The following HYAL2 variants were observed in gnomAD, a reference collection of about 807,000 sequenced individuals.
HYAL2 encodes the protein hyaluronidase-2.
A neutral mutation model predicts 35.4 loss-of-function variants in HYAL2; 30 were observed. The observed-to-expected ratio is 0.85, with a 90% CI of 0.63 to 1.15. The LOEUF is 1.15. Among genes scored for constraint, HYAL2 ranks in the 50% most tolerant of loss-of-function variants. The pLI, the probability that HYAL2 is intolerant of heterozygous loss-of-function variation, is 0.00. For synonymous variants in HYAL2, 262 were observed against 252.8 expected (o/e 1.04, Z -0.34); for missense variants, 635 against 646.5 (o/e 0.98, Z 0.19).
At position 50,317,846 on chromosome 3, in the gene HYAL2, A is replaced by AAAT. The variant is rs1220891061; in HGVS notation, c.*280_*282dup. The stretch of plus-strand genomic sequence containing the variant: ...TGTTTAATTTACAAAAGAGACCCCA[A>AAAT]AATAATAATAATAATAAACTATCTA... On this transcript the variant is annotated 3_prime_UTR_variant, in exon 4 of 4. Coordinates refer to ENST00000357750, the MANE Select transcript of HYAL2 (RefSeq NM_003773.5). 3.8e-5 allele frequency: 13 copies of AAAT among 344,606 alleles called. No individual in the cohort carries two copies. Among genetic ancestry groups the AAAT allele is most frequent in the Middle Eastern group, 7.5e-4 (1 of 1,330 alleles). The allele number at this position is 344,606 out of a possible 1,614,324, so 21.3% of individuals were successfully genotyped here. A position where few individuals can be genotyped will look rare whatever the true frequency, so the allele number is the denominator to read the frequency against.
In HYAL2 at chr3:50,318,818, T is replaced by G; in HGVS notation, c.1011+138A>C. ...GAGCAGGGCCGGGGTGACCTCCTCCTGTTGCCACCAGGGATGCCTCGGGTG... is the reference window on the plus strand; with the variant it reads ...GAGCAGGGCCGGGGTGACCTCCTCCGGTTGCCACCAGGGATGCCTCGGGTG... On this transcript the variant is annotated intron_variant, in intron 3 of 3. Transcript: ENST00000357750. The surrounding 1 kb of genome is among the most constrained non-coding windows in gnomAD (Gnocchi z 4.5). The G allele has an allele frequency of 1.3e-6, 1 of 794,510 alleles. No individual in the cohort carries two copies. The highest frequency in any genetic ancestry group is 2.1e-6 in the Non-Finnish European group (1 of 467,816). 49.2% of individuals were successfully genotyped at this position (794,510 alleles called of 1,614,324 possible).
Position 50,320,005 on chromosome 3 carries a change from C to T in HYAL2, c.485G>A (p.Arg162His), listed in dbSNP as rs1702649984. The T allele has an allele frequency of 2.5e-6, 4 of 1,613,322 alleles. No individual in the cohort carries two copies. The highest frequency in any genetic ancestry group is 1.1e-5 in the South Asian group (1 of 91,088). The change falls in exon 2 of 4, where the codon CGT becomes CAT. Residue 162 changes from arginine (R) to histidine (H), a missense_variant. By Grantham distance (29) the Arg-to-His change is conservative. Coordinates refer to ENST00000357750, the MANE Select transcript of HYAL2 (RefSeq NM_003773.5). This position sits in a 1 kb window ranked among gnomAD's most constrained non-coding sequence, Gnocchi z 4.8. The part of the protein sequence containing the change: ...RRLSRQLVAS[R>H]HPDWPPDRIV... ...GCGGTCTGGAGGCCAGTCAGGGTGA[C>T]GACTGGCCACTAGCTGGCGTGATAA... is the stretch of plus-strand genomic sequence containing the variant.
Position 50,320,364 on chromosome 3 carries a change from C to T in HYAL2, c.126G>A (p.Val42=). The T allele has an allele frequency of 6.2e-7, 1 of 1,613,304 alleles. No individual in the cohort carries two copies. The highest frequency in any genetic ancestry group is 8.5e-7 in the Non-Finnish European group (1 of 1,179,726). Reference sequence around the variant, plus strand: ...GGCGTGGGCCACAGTCCTGTGTGGGCACGTCCCACGCTACCACAAAGGGCC... The same window carrying T: ...GGCGTGGGCCACAGTCCTGTGTGGGTACGTCCCACGCTACCACAAAGGGCC... ...TGRPFVVAWD[V]PTQDCGPRLK... is the part of the protein sequence containing the mutation. The change falls in exon 2 of 4, where the codon GTG becomes GTA. Residue 42 remains valine, a synonymous_variant. Transcript: ENST00000357750. This position sits in a 1 kb window ranked among gnomAD's most constrained non-coding sequence, Gnocchi z 4.8.
intron 1 of HYAL2, chr3:50,321,064 G>A (rs1037512112): frequency 2.0e-5 from 3 of 152,390 alleles, no homozygotes; most frequent in African/African-American, 7.2e-5. Flanking sequence ...ACACTCTCCC[G>A]GCTTGGAGGA....
intron 1 of HYAL2, chr3:50,321,269 G>C (rs587602923): frequency 1.1e-4 from 16 of 152,334 alleles, no homozygotes; most frequent in African/African-American, 3.9e-4. Flanking sequence ...GTCGGGTGGG[G>C]GTGGGGTTTC....
At position 50,322,358 on chromosome 3, in the gene HYAL2, G is replaced by C. The variant is rs1487570487; in HGVS notation, c.-47+295C>G. 1 of 152,124 alleles carries C rather than the reference G, an allele frequency of 6.6e-6. No homozygotes were observed. The highest frequency in any genetic ancestry group is 1.5e-5 in the Non-Finnish European group (1 of 68,092). The allele number at this position is 152,124 out of a possible 1,614,324, so 9.4% of individuals were successfully genotyped here. A position where few individuals can be genotyped will look rare whatever the true frequency, so the allele number is the denominator to read the frequency against. ...GCCTCCATTCCTTGCAGCAGTTTCT[G>C]GCTGGACCTCCGAGAAAGCCAGCAA... is the stretch of plus-strand genomic sequence containing the variant. On this transcript the variant is annotated intron_variant, in intron 1 of 3. Transcript: ENST00000357750. This position sits in a 1 kb window ranked among gnomAD's most constrained non-coding sequence, Gnocchi z 5.5.
Position 50,320,264 on chromosome 3 carries a change from T to C in HYAL2, c.226A>G (p.Thr76Ala), listed in dbSNP as rs1482981673. 6.2e-7 allele frequency: 1 copy of C among 1,613,872 alleles called. No individual in the cohort carries two copies. The highest frequency in any genetic ancestry group is 8.5e-7 in the Non-Finnish European group (1 of 1,180,014). The change falls in exon 2 of 4, where the codon ACC (threonine) becomes GCC (alanine). Residue 76 changes from threonine (T) to alanine (A), a missense_variant. Physicochemically the swap from Thr to Ala is moderately conservative, Grantham distance 58. Coordinates refer to ENST00000357750, the MANE Select transcript of HYAL2 (RefSeq NM_003773.5). This position sits in a 1 kb window ranked among gnomAD's most constrained non-coding sequence, Gnocchi z 4.8. The part of the protein sequence containing the change: ...PNEGFVNQNI[T>A]IFYRDRLGLY... ...CCTAGACGGTCGCGGTAGAAGATGG[T>C]AATATTCTGGTTCACAAAACCCTCA...
rs1553716023 is a variant in HYAL2, at chr3:50,319,001, T to G, written c.966A>C (p.Ala322=). The change falls in exon 3 of 4, where the codon GCA becomes GCC. Residue 322 remains alanine, a synonymous_variant. Transcript: ENST00000357750. The part of the protein sequence containing the change: ...STIGESAALG[A]AGVILWGDAG... ...CGTCACCCCAGAGGATGACACCAGCTGCGCCCAGGGCCGCACTCTCGCCAA... is the reference window on the plus strand; with the variant it reads ...CGTCACCCCAGAGGATGACACCAGCGGCGCCCAGGGCCGCACTCTCGCCAA... 1 of 1,612,660 alleles carries G rather than the reference T, an allele frequency of 6.2e-7. No homozygotes were observed. Among genetic ancestry groups the G allele is most frequent in the Non-Finnish European group, 8.5e-7 (1 of 1,179,182 alleles).
rs782026399 is a variant in HYAL2, at chr3:50,318,322, ACAGGTCGCAGCTGGGGTTCAC to A, written c.1208_1228del (p.Gly403_Pro409del). 6.2e-7 allele frequency: 1 copy of A among 1,613,464 alleles called. No individual in the cohort carries two copies. Among genetic ancestry groups the A allele is most frequent in the South Asian group, 1.1e-5 (1 of 91,084 alleles). On this transcript the variant is annotated inframe_deletion, in exon 4 of 4. Coordinates refer to ENST00000357750, the MANE Select transcript of HYAL2 (RefSeq NM_003773.5). The surrounding 1 kb of genome is among the most constrained non-coding windows in gnomAD (Gnocchi z 4.5). ...AATGTCGGCCCAACTGAGCTCCCCC[ACAGGTCGCAGCTGGGGTTCAC>A]CAGGTGCATGGCCAGGCACTAGGCG...
intron 2 of HYAL2, 104 bp downstream of exon 2, chr3:50,319,465 A>T: frequency 2.1e-6 from 2 of 951,908 alleles, no homozygotes; most frequent in Non-Finnish European, 3.1e-6. Flanking sequence ...GATGTGGAGC[A>T]GCCAATAAAC....
rs1702612366 is a variant in HYAL2 at position 50,318,633 on chromosome 3, T to C, written c.1012-94A>G. ...GTGTCCACACTGTGATGACTATACC[T>C]TATTTTAACTGCACACATTCATACA... On this transcript the variant is annotated intron_variant, in intron 3 of 3. Transcript: ENST00000357750. This position sits in a 1 kb window ranked among gnomAD's most constrained non-coding sequence, Gnocchi z 4.5. The C allele has an allele frequency of 8.8e-7, 1 of 1,133,288 alleles. No individual in the cohort carries two copies. Among genetic ancestry groups the C allele is most frequent in the Non-Finnish European group, 1.3e-6 (1 of 788,352 alleles). The allele number at this position is 1,133,288 out of a possible 1,614,324, so 70.2% of individuals were successfully genotyped here.
chr3:50,322,332 G>A lies in HYAL2; in HGVS notation c.-47+321C>T, dbSNP rs1382285406. 2.6e-5 allele frequency: 4 copies of A among 152,220 alleles called. No individual in the cohort carries two copies. The highest frequency in any genetic ancestry group is 9.7e-5 in the African/African-American group (4 of 41,426). The allele number at this position is 152,220 out of a possible 1,614,324, so 9.4% of individuals were successfully genotyped here. A position where few individuals can be genotyped will look rare whatever the true frequency, so the allele number is the denominator to read the frequency against. ...CCCGGCTCCCTCTCAACCCCGAGGA[G>A]GCCTCCATTCCTTGCAGCAGTTTCT... On this transcript the variant is annotated intron_variant, in intron 1 of 3. Transcript: ENST00000357750. The surrounding 1 kb of genome is among the most constrained non-coding windows in gnomAD (Gnocchi z 5.5).
chr3:50,319,944 T>C lies in HYAL2; in HGVS notation c.546A>G (p.Ala182=), dbSNP rs147135664. The C allele has an allele frequency of 8.7e-6, 14 of 1,613,582 alleles. No homozygotes were observed. The East Asian group carries it at 8.9e-5, about 10-fold the overall frequency. Residue 182 remains alanine, a synonymous_variant, in exon 2 of 4, where the codon GCA becomes GCG. Coordinates refer to ENST00000357750, the MANE Select transcript of HYAL2 (RefSeq NM_003773.5). ...GTGTCTCCAGCATGAACTGCTGTGC[T>C]GCGAACTCAAACTCATATTGTGCCT... ...VKQAQYEFEF[A]AQQFMLETLR...
Position 50,320,893 on chromosome 3 carries a change from TGAA to T in HYAL2, c.-46-361_-46-359del, listed in dbSNP as rs1449875624. ...CAGCTGATGCCCACCCTGTACACCG[TGAA>T]GAACCCTTGATCCAGAGAAACGACA... On this transcript the variant is annotated intron_variant, in intron 1 of 3. Coordinates refer to ENST00000357750, the MANE Select transcript of HYAL2 (RefSeq NM_003773.5). The surrounding 1 kb of genome is among the most constrained non-coding windows in gnomAD (Gnocchi z 4.8). The T allele has an allele frequency of 1.1e-5, 2 of 176,000 alleles. No homozygotes were observed. Among genetic ancestry groups the T allele is most frequent in the Non-Finnish European group, 2.4e-5 (2 of 84,538 alleles). 10.9% of individuals were successfully genotyped at this position (176,000 alleles called of 1,614,324 possible). A position where few individuals can be genotyped will look rare whatever the true frequency, so the allele number is the denominator to read the frequency against.
chr3:50,318,344 C>T lies in HYAL2; in HGVS notation c.1207G>A (p.Gly403Ser). 6.2e-7 allele frequency: 1 copy of T among 1,613,480 alleles called. No homozygotes were observed. Among genetic ancestry groups the T allele is most frequent in the Non-Finnish European group, 8.5e-7 (1 of 1,180,036 alleles). ...SFRLVPGHAPGEPQLRPVGEL... is the reference protein window; with the variant it reads ...SFRLVPGHAPSEPQLRPVGEL... ...CCCACAGGTCGCAGCTGGGGTTCAC[C>T]AGGTGCATGGCCAGGCACTAGGCGG... Residue 403 changes from glycine (G) to serine (S), a missense_variant, in exon 4 of 4, where the codon GGT becomes AGT. Physicochemically the swap from Gly to Ser is moderately conservative, Grantham distance 56. Transcript: ENST00000357750. This position sits in a 1 kb window ranked among gnomAD's most constrained non-coding sequence, Gnocchi z 4.5.
chr3:50,320,491 C>G lies in HYAL2; in HGVS notation c.-2G>C. On this transcript the variant is annotated 5_prime_UTR_variant, in exon 2 of 4. Transcript: ENST00000357750. This position sits in a 1 kb window ranked among gnomAD's most constrained non-coding sequence, Gnocchi z 4.8. Reference sequence around the variant, plus strand: ...GGTGGGGCCTGGGCCTGCCCGCATGCTGGGGGCTGCAGGAGGTGTCACCTG... The same window carrying G: ...GGTGGGGCCTGGGCCTGCCCGCATGGTGGGGGCTGCAGGAGGTGTCACCTG... 6.5e-7 allele frequency: 1 copy of G among 1,527,466 alleles called. No individual in the cohort carries two copies. Among genetic ancestry groups the G allele is most frequent in the Non-Finnish European group, 8.8e-7 (1 of 1,140,010 alleles). The allele number at this position is 1,527,466 out of a possible 1,614,324, so 94.6% of individuals were successfully genotyped here.
chr3:50,321,482 C>T (rs1702695755), intron 1 of HYAL2: 1 of 152,176 alleles, frequency 6.6e-6, no homozygotes, highest in Non-Finnish European at 1.5e-5. Flanking sequence ...CTGGCTCCGC[C>T]CCCAGGCACG....
Position 50,318,508 on chromosome 3 carries a change from G to T in HYAL2, c.1043C>A (p.Thr348Lys), listed in dbSNP as rs1460041275. Reference protein sequence around the residue: ...ETCQYLKDYLTRLLVPYVVNV... With the variant: ...ETCQYLKDYLKRLLVPYVVNV... The stretch of plus-strand genomic sequence containing the variant: ...GACCACGTAGGGGACCAGCAGCCGT[G>T]TCAGGTAATCTTTGAGGTACTGGCA... The change falls in exon 4 of 4, where the codon ACA becomes AAA. Residue 348 changes from threonine to lysine, a missense_variant. By Grantham distance (78) the Thr-to-Lys change is moderately conservative. Coordinates refer to ENST00000357750, the MANE Select transcript of HYAL2 (RefSeq NM_003773.5). The surrounding 1 kb of genome is among the most constrained non-coding windows in gnomAD (Gnocchi z 4.5). 1 of 1,609,230 alleles carries T rather than the reference G, an allele frequency of 6.2e-7. No individual in the cohort carries two copies. The highest frequency in any genetic ancestry group is 1.7e-5 in the Admixed American group (1 of 59,898).
At position 50,318,865 on chromosome 3, in the gene HYAL2, A is replaced by G; in HGVS notation, c.1011+91T>C. ...GGTGGGAGACAGACAAGGGGACCAG[A>G]CTAGGATTGCCCACCTGAGGTTGGT... On this transcript the variant is annotated intron_variant, in intron 3 of 3. Coordinates refer to ENST00000357750, the MANE Select transcript of HYAL2 (RefSeq NM_003773.5). This position sits in a 1 kb window ranked among gnomAD's most constrained non-coding sequence, Gnocchi z 4.5. The G allele has an allele frequency of 8.9e-7, 1 of 1,127,146 alleles. No homozygotes were observed. The highest frequency in any genetic ancestry group is 1.2e-5 in the South Asian group (1 of 80,132). 69.8% of individuals were successfully genotyped at this position (1,127,146 alleles called of 1,614,324 possible).
Sources: allele counts gnomAD v4.1 joint callset, GRCh38; gene constraint gnomAD v4.1.1; non-coding constraint Gnocchi (gnomAD v3.1); transcripts MANE v1.5; gene names NCBI Gene and HGNC (gene_info 2026-07-23, HGNC 2026-07-21).